GAB1: variants seen among roughly 807,000 people sequenced by gnomAD.
GAB1 encodes GRB2 associated binding protein 1.
A neutral mutation model predicts 66.5 loss-of-function variants in GAB1; 19 were observed. That is an observed-to-expected ratio of 0.29 (90% confidence interval 0.20 to 0.42). The LOEUF is 0.42. Ranked by LOEUF, GAB1 falls within the 10% of genes least tolerant of loss-of-function variation. The probability of loss-of-function intolerance (pLI) is 1.00; values close to 1 mark genes in which losing one functional copy is unlikely to be tolerated. For missense variants in GAB1, 732 were observed against 858.5 expected (o/e 0.85, Z 1.84); for synonymous variants, 294 against 301.4 (o/e 0.98, Z 0.25).
chr4:143,414,560 T>A (rs1021145862), intron 1 of GAB1, among the ~76,000 whole-genome samples: 2 of 152,128 alleles, frequency 1.3e-5, no homozygotes, highest in African/African-American at 4.8e-5. Context: ...ACTCGTATAG[T>A]CTTTGAACAA....
intron 1 of GAB1, among the ~76,000 whole-genome samples, chr4:143,367,779 C>T (rs1036847058): frequency 7.7e-6 from 1 of 130,136 alleles, no homozygotes; most frequent in African/African-American, 3.0e-5. Flanking sequence ...AGCTGAAGTG[C>T]AGTGGCACAG....
At chr4:143,390,426 T>C (rs1213957037) in intron 1 of GAB1, among the ~76,000 whole-genome samples, 3 of 151,930 alleles carry the variant, frequency 2.0e-5, no homozygotes, top group African/African-American at 7.2e-5. Flanking sequence ...TTGTTTTTTT[T>C]TTTTAGGAAG....
At chr4:143,344,621 C>T (rs948608707) in intron 1 of GAB1, among the ~76,000 whole-genome samples, 6 of 152,100 alleles carry the variant, frequency 3.9e-5, no homozygotes, top group African/African-American at 7.2e-5. Flanking sequence ...TAGGCTCTTC[C>T]GTTGCCAGTG....
intron 6 of GAB1, among the ~76,000 whole-genome samples, chr4:143,444,500 ACT>A (rs1299461861): frequency 1.3e-5 from 2 of 151,920 alleles, no homozygotes; most frequent in Non-Finnish European, 2.9e-5. Flanking sequence ...TCCCTGGGTG[ACT>A]CTTTTGGCAC....
chr4:143,339,052 A>C (rs995156285), intron 1 of GAB1, among the ~76,000 whole-genome samples: 1 of 152,262 alleles, frequency 6.6e-6, no homozygotes, highest in Non-Finnish European at 1.5e-5. Flanking sequence ...ATGTCTTAAC[A>C]AGAAAAACAA....
chr4:143,337,036 C>G lies in GAB1; in HGVS notation c.-153C>G, dbSNP rs531201330. ...AGGAGAGACTCGAACTCGTGGAACCCGCGCACCGTGGAGTCTGTCCGCCCA... is the reference window on the plus strand; with the variant it reads ...AGGAGAGACTCGAACTCGTGGAACCGGCGCACCGTGGAGTCTGTCCGCCCA... On this transcript the variant is annotated 5_prime_UTR_variant, in exon 1 of 10. Transcript: ENST00000262994. The G allele has an allele frequency of 1.5e-6, 1 of 646,558 alleles. No homozygotes were observed. The highest frequency in any genetic ancestry group is 1.9e-5 in the African/African-American group (1 of 52,070). The allele number at this position is 646,558 out of a possible 1,614,324, so 40.1% of individuals were successfully genotyped here. A position where few individuals can be genotyped will look rare whatever the true frequency, so the allele number is the denominator to read the frequency against.
intron 1 of GAB1, among the ~76,000 whole-genome samples, chr4:143,401,127 A>T (rs1261414260): frequency 6.6e-6 from 1 of 152,212 alleles, no homozygotes; most frequent in Non-Finnish European, 1.5e-5. Flanking sequence ...TGGAACAGTT[A>T]TCTTTGTAGA....
chr4:143,336,900 G>GC lies in GAB1; in HGVS notation c.-288dup. 1 of 449,870 alleles carries GC rather than the reference G, an allele frequency of 2.2e-6. No homozygotes were observed. Among genetic ancestry groups the GC allele is most frequent in the African/African-American group, 2.1e-5 (1 of 47,652 alleles). 27.9% of individuals were successfully genotyped at this position (449,870 alleles called of 1,614,324 possible). On this transcript the variant is annotated 5_prime_UTR_variant, in exon 1 of 10. Transcript: ENST00000262994. ...CAGAGTCCCGCTGAGTCCGAGCGCTGCTGAGGCAGCTGGCGAGACGGCACG... is the reference window on the plus strand; with the variant it reads ...CAGAGTCCCGCTGAGTCCGAGCGCTGCCTGAGGCAGCTGGCGAGACGGCACG...
intron 6 of GAB1, among the ~76,000 whole-genome samples, chr4:143,447,575 C>T (rs975258501): frequency 1.3e-5 from 2 of 152,136 alleles, no homozygotes; most frequent in Non-Finnish European, 2.9e-5. Flanking sequence ...TGGGAGTTCA[C>T]TCATGATTTG....
chr4:143,452,456 A>T (rs1734978177), intron 6 of GAB1, among the ~76,000 whole-genome samples: 1 of 152,174 alleles, frequency 6.6e-6, no homozygotes, highest in Non-Finnish European at 1.5e-5. Flanking sequence ...TTTAAAAACC[A>T]TTAAAATAAG....
At chr4:143,421,472 A>C (rs1733009685) in intron 2 of GAB1, among the ~76,000 whole-genome samples, 1 of 152,100 alleles carries the variant, frequency 6.6e-6, no homozygotes, top group South Asian at 2.1e-4. Context: ...TAGGTTTAAC[A>C]GCTTTAGTTT....
chr4:143,392,798 C>A (rs1731245632), intron 1 of GAB1, among the ~76,000 whole-genome samples: 2 of 152,132 alleles, frequency 1.3e-5, no homozygotes, highest in African/African-American at 4.8e-5. Context: ...ACATCAGTTT[C>A]AGTAGATTAC....
intron 1 of GAB1, chr4:143,343,609 C>G (rs574282094): frequency 1.0e-4 from 16 of 154,948 alleles, no homozygotes; most frequent in African/African-American, 3.6e-4. Context: ...TGAAGACAAG[C>G]TGTCAGTCAT....
rs1735277844 is a variant in GAB1 at position 143,457,883 on chromosome 4, A to G, written c.1586-1502A>G. On this transcript the variant is annotated intron_variant, in intron 6 of 9. Transcript: ENST00000262994. Reference sequence around the variant, plus strand: ...CTTAAATACTACTGCTGTTGTAAATAAAACTTTCCTGCACATTATTTCTAA... The same window carrying G: ...CTTAAATACTACTGCTGTTGTAAATGAAACTTTCCTGCACATTATTTCTAA... 3 of 612,508 alleles carry G rather than the reference A, an allele frequency of 4.9e-6. No homozygotes were observed. The South Asian group carries it at 6.1e-5, about 13-fold the overall frequency. 37.9% of individuals were successfully genotyped at this position (612,508 alleles called of 1,614,324 possible).
chr4:143,353,213 T>C (rs1490923606), intron 1 of GAB1, among the ~76,000 whole-genome samples: 1 of 152,208 alleles, frequency 6.6e-6, no homozygotes, highest in Non-Finnish European at 1.5e-5. Flanking sequence ...TTTCCTGGAA[T>C]AGTTCTCATT....
intron 1 of GAB1, among the ~76,000 whole-genome samples, chr4:143,351,200 C>T (rs1166468051): frequency 6.6e-6 from 1 of 152,194 alleles, no homozygotes; most frequent in Non-Finnish European, 1.5e-5. Flanking sequence ...TTCTGTATCC[C>T]AGTGTTTCTT....
At position 143,440,383 on chromosome 4, in the gene GAB1, G is replaced by A; in HGVS notation, c.1585+1G>A. On this transcript the variant is annotated splice_donor_variant, in intron 6 of 9. Transcript: ENST00000262994. LOFTEE classifies it high-confidence loss of function. Reference sequence around the variant, plus strand: ...AGGAACCTCAAGCCAGACAGAAAAGGTAAGGAGAGCATGGCAAAGTAAAAG... The same window carrying A: ...AGGAACCTCAAGCCAGACAGAAAAGATAAGGAGAGCATGGCAAAGTAAAAG... 6.2e-7 allele frequency: 1 copy of A among 1,602,250 alleles called. No individual in the cohort carries two copies. The highest frequency in any genetic ancestry group is 8.5e-7 in the Non-Finnish European group (1 of 1,174,300).
rs181168948 is a variant in GAB1, at chr4:143,386,984, C to T, written c.73-28493C>T. Among the ~76,000 whole-genome samples the T allele has an allele frequency of 3.0e-4, 45 of 152,242 alleles. No individual in the cohort carries two copies. The East Asian group carries it at 7.3e-3, about 25-fold the overall frequency. On this transcript the variant is annotated intron_variant, in intron 1 of 9. Transcript: ENST00000262994. Reference sequence around the variant, plus strand: ...AATGGGGAAATGAACATGGGAGGAGCAACTGGTAGTCTCTGCCACAGTAAA... The same window carrying T: ...AATGGGGAAATGAACATGGGAGGAGTAACTGGTAGTCTCTGCCACAGTAAA...
At chr4:143,350,231 C>T (rs1729147017) in intron 1 of GAB1, 2 of 599,494 alleles carry the variant, frequency 3.3e-6, no homozygotes, top group Non-Finnish European at 3.0e-6. Context: ...CTGATGGATA[C>T]GTTGGCCCTG....
Sources: allele counts gnomAD v4.1 joint callset (sites outside exome capture counted in the v4.1 genomes callset), GRCh38; gene constraint gnomAD v4.1.1; transcripts MANE v1.5; gene names NCBI Gene and HGNC (gene_info 2026-07-23, HGNC 2026-07-21).